Variants in CIT observed in about 807,000 individuals in gnomAD.
The protein encoded by CIT is citron rho-interacting serine/threonine kinase.
A neutral mutation model predicts 272.7 loss-of-function variants in CIT; 79 were observed. The ratio of observed to expected loss-of-function variants is 0.29; its 90% confidence interval spans 0.24 to 0.35. The LOEUF (loss-of-function observed/expected upper bound fraction) is 0.35, where lower values mean the gene tolerates loss of function less well. Ranked by LOEUF, CIT falls within the 10% of genes least tolerant of loss-of-function variation. The pLI is 1.00. For missense variants in CIT, 1,909 were observed against 2,618.3 expected (o/e 0.73, Z 5.91); for synonymous variants, 948 against 995.6 (o/e 0.95, Z 0.90).
chr12:119,741,036 T>G (rs1959032901), intron 24 of CIT, among the ~76,000 whole-genome samples: 1 of 152,178 alleles, frequency 6.6e-6, no homozygotes, highest in Non-Finnish European at 1.5e-5. Flanking sequence ...AAAGGCCTTG[T>G]GTAACGGGGT....
intron 5 of CIT, among the ~76,000 whole-genome samples, chr12:119,841,660 G>A (rs1368876307): frequency 2.0e-5 from 3 of 152,172 alleles, no homozygotes; most frequent in Admixed American, 6.5e-5. Context: ...AATGTGAGAG[G>A]AAATGATGTG....
rs781144274 is a variant in CIT at position 119,710,529 on chromosome 12, G to T, written c.4935+11C>A. 1.9e-6 allele frequency: 3 copies of T among 1,614,002 alleles called. No individual in the cohort carries two copies. In the East Asian group the frequency reaches 6.7e-5, roughly 36 times the overall value. On this transcript the variant is annotated intron_variant, in intron 38 of 47. Transcript: ENST00000392521. This position sits in a 1 kb window ranked among gnomAD's most constrained non-coding sequence, Gnocchi z 5.6. ...CCAGACACCAGCTGGCCGTGCCCAT[G>T]CAAGCATTACCTGGTCACTGAAGGG...
chr12:119,710,689 C>G lies in CIT; in HGVS notation c.4855-69G>C. On this transcript the variant is annotated intron_variant, in intron 37 of 47. Coordinates refer to ENST00000392521, the MANE Select transcript of CIT (RefSeq NM_001206999.2). This position sits in a 1 kb window ranked among gnomAD's most constrained non-coding sequence, Gnocchi z 5.6. ...GCTGATCTGTTTATGACCAAACCAT[C>G]CAGAGAAACCAAGAGAAGGTTAAGG... The G allele has an allele frequency of 2.8e-6, 4 of 1,433,574 alleles. No individual in the cohort carries two copies. In the South Asian group the frequency reaches 3.4e-5, roughly 12 times the overall value. The allele number at this position is 1,433,574 out of a possible 1,614,324, so 88.8% of individuals were successfully genotyped here.
intron 9 of CIT, among the ~76,000 whole-genome samples, chr12:119,819,586 T>C (rs1967510548): frequency 6.6e-6 from 1 of 152,210 alleles, no homozygotes; most frequent in Non-Finnish European, 1.5e-5. Flanking sequence ...AAAAGAAGAA[T>C]TGGGGGTGAA....
intron 40 of CIT, among the ~76,000 whole-genome samples, chr12:119,706,802 C>A (rs1479333947): frequency 1.3e-5 from 2 of 152,148 alleles, no homozygotes; most frequent in Non-Finnish European, 2.9e-5. Flanking sequence ...GGTATATACC[C>A]AGTAATGGGA....
At position 119,869,192 on chromosome 12, in the gene CIT, G is replaced by C; in HGVS notation, c.106C>G (p.Pro36Ala). 2 of 1,596,272 alleles carry C rather than the reference G, an allele frequency of 1.3e-6. No individual in the cohort carries two copies. Among genetic ancestry groups the C allele is most frequent in the Non-Finnish European group, 1.7e-6 (2 of 1,175,764 alleles). The change falls in exon 3 of 48, where the codon CCC (proline) becomes GCC (alanine). Residue 36 changes from proline (P) to alanine (A), a missense_variant. Physicochemically the swap from Pro to Ala is conservative, Grantham distance 27 (BLOSUM62 -1). This residue lies in a region of CIT where 529 missense variants were observed against 549.6 expected (regional missense o/e 0.96). Transcript: ENST00000392521. The stretch of plus-strand genomic sequence containing the variant: ...GACATCTGCTGTTGAGTCATAAAGG[G>C]TGGTTTCCCCTAAAAACAGCAAACA... ...RLNLFFQGKP[P>A]FMTQQQMSPL... is the part of the protein sequence containing the mutation.
chr12:119,707,309 C>T (rs1209940816), intron 40 of CIT, among the ~76,000 whole-genome samples: 1 of 152,142 alleles, frequency 6.6e-6, no homozygotes, highest in African/African-American at 2.4e-5. Flanking sequence ...AATTTCATGG[C>T]TACACAAATT....
At chr12:119,692,842 G>A (rs182726390) in intron 46 of CIT, among the ~76,000 whole-genome samples, 5 of 152,296 alleles carry the variant, frequency 3.3e-5, no homozygotes, top group Admixed American at 3.3e-4. Context: ...TTCAGACAAC[G>A]AATGCTCAGA....
At chr12:119,772,284 A>T (rs1191518996) in intron 17 of CIT, among the ~76,000 whole-genome samples, 1 of 152,212 alleles carries the variant, frequency 6.6e-6, no homozygotes, top group African/African-American at 2.4e-5. Context: ...TGGTTCTGGT[A>T]AAATTATACA....
Position 119,804,549 on chromosome 12 carries a change from T to C in CIT, c.1112-1160A>G, listed in dbSNP as rs1966483509. On this transcript the variant is annotated intron_variant, in intron 9 of 47. Coordinates refer to ENST00000392521, the MANE Select transcript of CIT (RefSeq NM_001206999.2). The surrounding 1 kb of genome is among the most constrained non-coding windows in gnomAD (Gnocchi z 5.3). ...CTCGCTAGAGCTCCCCCTAGGACAG[T>C]TGTCACAGCCCTTCACAGCCCAGAC... 1.5e-5 allele frequency: 14 copies of C among 935,988 alleles called. No homozygotes were observed. The South Asian group carries it at 5.4e-4, about 36-fold the overall frequency. 58.0% of individuals were successfully genotyped at this position (935,988 alleles called of 1,614,324 possible). A position where few individuals can be genotyped will look rare whatever the true frequency, so the allele number is the denominator to read the frequency against.
intron 40 of CIT, among the ~76,000 whole-genome samples, chr12:119,706,630 A>G (rs1355534519): frequency 2.0e-5 from 3 of 152,242 alleles, no homozygotes; most frequent in Non-Finnish European, 4.4e-5. Context: ...ATTCTTTTTT[A>G]GAGCTGCATA....
intron 10 of CIT, among the ~76,000 whole-genome samples, chr12:119,791,109 T>C (rs1346705776): frequency 6.6e-6 from 1 of 152,132 alleles, no homozygotes; most frequent in Non-Finnish European, 1.5e-5. Context: ...TGTGCAGGGG[T>C]GCCAGGCAGT....
intron 5 of CIT, among the ~76,000 whole-genome samples, chr12:119,842,448 T>A (rs992206599): frequency 4.0e-5 from 6 of 151,668 alleles, no homozygotes; most frequent in Admixed American, 6.6e-5. Flanking sequence ...CTATGTGTTC[T>A]TTGTGAAGAT....
chr12:119,808,294 A>T (rs1191467104), intron 9 of CIT, among the ~76,000 whole-genome samples: 3 of 152,234 alleles, frequency 2.0e-5, no homozygotes, highest in Non-Finnish European at 4.4e-5. Context: ...CAGCTGCCTC[A>T]TTCCCACCTT....
At chr12:119,699,464 G>A (rs1794652203) in intron 44 of CIT, among the ~76,000 whole-genome samples, 1 of 152,166 alleles carries the variant, frequency 6.6e-6, no homozygotes, top group African/African-American at 2.4e-5. Flanking sequence ...GACTTTTAAA[G>A]TCATGGGCTC....
At chr12:119,872,578 G>T (rs946990370) in intron 2 of CIT, among the ~76,000 whole-genome samples, 42 of 152,116 alleles carry the variant, frequency 2.8e-4, no homozygotes, top group African/African-American at 9.9e-4. Context: ...TGAACTGAGG[G>T]TTTACCCATA....
intron 4 of CIT, among the ~76,000 whole-genome samples, chr12:119,850,778 T>C (rs1970173898): frequency 1.3e-5 from 2 of 152,262 alleles, no homozygotes; most frequent in East Asian, 1.9e-4. Flanking sequence ...CAGGACACAG[T>C]GCCGTCCCAA....
chr12:119,735,044 G>A (rs1046623699), intron 25 of CIT, 116 bp downstream of exon 25: 2 of 891,034 alleles, frequency 2.2e-6, no homozygotes, highest in Admixed American at 2.3e-5. Flanking sequence ...ATTTTAAAAA[G>A]AGCCCAATTA....
rs1950207523 is a variant in CIT at position 119,857,543 on chromosome 12, C to T, written c.394G>A (p.Ala132Thr). 1 of 1,613,964 alleles carries T rather than the reference C, an allele frequency of 6.2e-7. No homozygotes were observed. The highest frequency in any genetic ancestry group is 1.3e-5 in the African/African-American group (1 of 74,920). The stretch of plus-strand genomic sequence containing the variant: ...CCTACCTGCTCCTGGGCCAATAAAG[C>T]CTTCTTCTTCATCACTTTCATAGCA... ...IYAMKVMKKKALLAQEQVSFF... is the reference protein window; with the variant it reads ...IYAMKVMKKKTLLAQEQVSFF... Residue 132 changes from alanine to threonine, a missense_variant, in exon 4 of 48, where the codon GCT becomes ACT. Coordinates refer to ENST00000392521, the MANE Select transcript of CIT (RefSeq NM_001206999.2).
Sources: allele counts gnomAD v4.1 joint callset (sites outside exome capture counted in the v4.1 genomes callset), GRCh38; gene constraint gnomAD v4.1.1; regional missense constraint gnomAD v4.1.1; non-coding constraint Gnocchi (gnomAD v3.1); transcripts MANE v1.5; gene names NCBI Gene and HGNC (gene_info 2026-07-23, HGNC 2026-07-21).